GLS: variants seen among roughly 807,000 people sequenced by gnomAD.
GLS encodes the protein glutaminase kidney isoform, mitochondrial.
A neutral mutation model predicts 86.7 loss-of-function variants in GLS; 36 were observed. The observed-to-expected ratio is 0.42, with a 90% CI of 0.32 to 0.55. GLS has a LOEUF of 0.55. Ranked by LOEUF, GLS falls within the 20% of genes least tolerant of loss-of-function variation. The pLI, the probability that GLS is intolerant of heterozygous loss-of-function variation, is 0.17. For synonymous variants in GLS, 317 were observed against 305.9 expected (o/e 1.04, Z -0.38); for missense variants, 528 against 833.4 (o/e 0.63, Z 4.51).
In GLS at chr2:190,947,006, G is replaced by A. The variant is rs149376732; in HGVS notation, c.1651-6559G>A. ...TATCTATCAACATATTTTATAACCA[G>A]CCTGTCAGGGATTTTTAAAAACAAC... On this transcript the variant is annotated intron_variant, in intron 14 of 17. Transcript: ENST00000320717. The surrounding 1 kb of genome is among the most constrained non-coding windows in gnomAD (Gnocchi z 5.0). Among the ~76,000 whole-genome samples, 17 of 152,232 alleles carry A rather than the reference G, an allele frequency of 1.1e-4. No individual in the cohort carries two copies. Among genetic ancestry groups the A allele is most frequent in the African/African-American group, 4.1e-4 (17 of 41,544 alleles).
rs1691062796 is a variant in GLS at position 190,963,927 on chromosome 2, T to TAA, written c.*943_*944dup. The TAA allele has an allele frequency of 6.6e-6, 1 of 151,542 alleles. No homozygotes were observed. Among genetic ancestry groups the TAA allele is most frequent in the Admixed American group, 6.6e-5 (1 of 15,168 alleles). 9.4% of individuals were successfully genotyped at this position (151,542 alleles called of 1,614,324 possible). A position where few individuals can be genotyped will look rare whatever the true frequency, so the allele number is the denominator to read the frequency against. Reference sequence around the variant, plus strand: ...AGTTTTTTTTTTTTAGCTTCTAGGGTAAAGATAAATTCAGAAATGCTCTAA... The same window carrying TAA: ...AGTTTTTTTTTTTTAGCTTCTAGGGTAAAAAGATAAATTCAGAAATGCTCTAA... On this transcript the variant is annotated 3_prime_UTR_variant, in exon 18 of 18. Transcript: ENST00000320717.
rs1369688617 is a variant in GLS at position 190,953,709 on chromosome 2, G to A, written c.1712+83G>A. 1.1e-6 allele frequency: 1 copy of A among 948,626 alleles called. No homozygotes were observed. The highest frequency in any genetic ancestry group is 2.4e-5 in the East Asian group (1 of 41,132). The allele number at this position is 948,626 out of a possible 1,614,324, so 58.8% of individuals were successfully genotyped here. A position where few individuals can be genotyped will look rare whatever the true frequency, so the allele number is the denominator to read the frequency against. ...GGCGAGCAGCCATTTTAAGGTTAAA[G>A]TCTCACTTTTCTTTCCCTTTGATAA... is the stretch of plus-strand genomic sequence containing the variant. On this transcript the variant is annotated intron_variant, in intron 15 of 17. Coordinates refer to ENST00000320717, the MANE Select transcript of GLS (RefSeq NM_014905.5). This position sits in a 1 kb window ranked among gnomAD's most constrained non-coding sequence, Gnocchi z 4.0.
rs1029709527 is a variant in GLS, at chr2:190,965,459, T to C, written c.*2473T>C. ...TGAATCTAATCTTAAAACTACAAGT[T>C]GTAAGTATTCTGAAATTGGGAAACA... On this transcript the variant is annotated 3_prime_UTR_variant, in exon 18 of 18. Transcript: ENST00000320717. The surrounding 1 kb of genome is among the most constrained non-coding windows in gnomAD (Gnocchi z 5.0). The C allele has an allele frequency of 6.6e-6, 1 of 152,632 alleles. No individual in the cohort carries two copies. The highest frequency in any genetic ancestry group is 2.4e-5 in the African/African-American group (1 of 41,442). 9.5% of individuals were successfully genotyped at this position (152,632 alleles called of 1,614,324 possible).
chr2:190,940,841 C>T (rs1690406366), intron 14 of GLS, among the ~76,000 whole-genome samples: 1 of 151,484 alleles, frequency 6.6e-6, no homozygotes, highest in African/African-American at 2.4e-5. Flanking sequence ...AGATTAGATC[C>T]CTCTATATAA....
rs1691018480 is a variant in GLS, at chr2:190,962,097, C to A, written c.1854-733C>A. Among the ~76,000 whole-genome samples the A allele has an allele frequency of 6.6e-6, 1 of 151,986 alleles. No individual in the cohort carries two copies. The highest frequency in any genetic ancestry group is 6.5e-5 in the Admixed American group (1 of 15,276). On this transcript the variant is annotated intron_variant, in intron 17 of 17. Transcript: ENST00000320717. This position sits in a 1 kb window ranked among gnomAD's most constrained non-coding sequence, Gnocchi z 4.2. ...CTGTCTCCTCTTGCAAAAGACTTACCACTTCTGGCAAGTGATTAACCACTT... is the reference window on the plus strand; with the variant it reads ...CTGTCTCCTCTTGCAAAAGACTTACAACTTCTGGCAAGTGATTAACCACTT...
intron 11 of GLS, among the ~76,000 whole-genome samples, chr2:190,926,232 T>G (rs1196609586): frequency 1.3e-5 from 2 of 152,188 alleles, no homozygotes; most frequent in Non-Finnish European, 2.9e-5. Context: ...TAGGAAATGA[T>G]CATTGGAATT....
chr2:190,928,825 A>G (rs1689991954), intron 12 of GLS, among the ~76,000 whole-genome samples: 1 of 128,000 alleles, frequency 7.8e-6, no homozygotes, highest in South Asian at 2.4e-4. Context: ...CTGTCTCTAC[A>G]TTGCTGATTA....
chr2:190,923,956 A>C lies in GLS; in HGVS notation c.1170A>C (p.Ala390=), dbSNP rs781551989. 4 of 1,548,100 alleles carry C rather than the reference A, an allele frequency of 2.6e-6. No homozygotes were observed. In the East Asian group the frequency reaches 9.0e-5, roughly 35 times the overall value. Residue 390 remains alanine (A), a synonymous_variant, in exon 10 of 18, where the codon GCA becomes GCC. Coordinates refer to ENST00000320717, the MANE Select transcript of GLS (RefSeq NM_014905.5). ...GAGAAAGTGGAGATCGAAATTTTGC[A>C]ATAGGATATTACTTAAAAGAAAAGA... ...SERESGDRNF[A]IGYYLKEKKC... is the part of the protein sequence containing the mutation.
intron 14 of GLS, chr2:190,934,483 A>C (rs1048473006): frequency 2.0e-6 from 2 of 979,890 alleles, no homozygotes; most frequent in Non-Finnish European, 1.2e-6. Flanking sequence ...GTTCAGATGC[A>C]TATCCTAACT....
At chr2:190,915,562 T>C (rs1438075994) in intron 7 of GLS, among the ~76,000 whole-genome samples, 1 of 152,228 alleles carries the variant, frequency 6.6e-6, no homozygotes, top group East Asian at 1.9e-4. Context: ...ATACTTGGAA[T>C]TCTTTCCAAG....
rs1240723189 is a variant in GLS, at chr2:190,955,863, C to T, written c.1853+1045C>T. ...CTCATTGTGGTTTTGATTTGCATTT[C>T]TCTAATGACCAGTGATGATGATATT... On this transcript the variant is annotated intron_variant, in intron 17 of 17. Transcript: ENST00000320717. This position sits in a 1 kb window ranked among gnomAD's most constrained non-coding sequence, Gnocchi z 5.6. Among the ~76,000 whole-genome samples the T allele has an allele frequency of 6.6e-6, 1 of 152,212 alleles. No homozygotes were observed. Among genetic ancestry groups the T allele is most frequent in the African/African-American group, 2.4e-5 (1 of 41,464 alleles).
At chr2:190,894,659 G>C (rs934028382) in intron 1 of GLS, among the ~76,000 whole-genome samples, 1 of 152,124 alleles carries the variant, frequency 6.6e-6, no homozygotes, top group Non-Finnish European at 1.5e-5. Context: ...TCAAGAACTT[G>C]TGCACTTGAT....
intron 14 of GLS, among the ~76,000 whole-genome samples, chr2:190,950,120 G>T (rs1391002941): frequency 1.3e-5 from 2 of 151,954 alleles, no homozygotes; most frequent in Non-Finnish European, 2.9e-5. Context: ...GGGAGAGGGA[G>T]CCTCCTGACA....
intron 9 of GLS, among the ~76,000 whole-genome samples, chr2:190,923,563 C>G (rs1689812199): frequency 6.6e-6 from 1 of 152,250 alleles, no homozygotes; most frequent in Admixed American, 6.5e-5. Flanking sequence ...AAAATGGACT[C>G]TTATTGTACT....
Position 190,953,650 on chromosome 2 carries a change from A to C in GLS, c.1712+24A>C, listed in dbSNP as rs370573394. 11 of 1,498,678 alleles carry C rather than the reference A, an allele frequency of 7.3e-6. No homozygotes were observed. The highest frequency in any genetic ancestry group is 1.0e-5 in the Non-Finnish European group (11 of 1,075,390). The allele number at this position is 1,498,678 out of a possible 1,614,324, so 92.8% of individuals were successfully genotyped here. On this transcript the variant is annotated intron_variant, in intron 15 of 17. Coordinates refer to ENST00000320717, the MANE Select transcript of GLS (RefSeq NM_014905.5). The surrounding 1 kb of genome is among the most constrained non-coding windows in gnomAD (Gnocchi z 4.0). ...AGGTATGTTTACAGGATGGATTAGC[A>C]TGCACTTTACAGATATTTATGAAGT...
chr2:190,945,101 T>C (rs528886368), intron 14 of GLS, among the ~76,000 whole-genome samples: 1 of 152,258 alleles, frequency 6.6e-6, no homozygotes, highest in Non-Finnish European at 1.5e-5. Context: ...CCTGGCATCT[T>C]CCAGACTGGG....
intron 12 of GLS, among the ~76,000 whole-genome samples, chr2:190,928,438 G>T (rs987493553): frequency 6.6e-6 from 1 of 150,840 alleles, no homozygotes; most frequent in Non-Finnish European, 1.5e-5. Flanking sequence ...GAGTTCCAGC[G>T]ATTCTCCTGC....
chr2:190,881,643 C>A, intron 1 of GLS, 173 bp downstream of exon 1: 2 of 578,782 alleles, frequency 3.5e-6, no homozygotes, highest in Admixed American at 8.3e-5. Flanking sequence ...GCCCCGCCCG[C>A]GCCTTCCCCG....
Position 190,949,683 on chromosome 2 carries a change from C to T in GLS, c.1651-3882C>T, listed in dbSNP as rs1478723257. Among the ~76,000 whole-genome samples the T allele has an allele frequency of 2.0e-5, 3 of 151,952 alleles. No individual in the cohort carries two copies. Among genetic ancestry groups the T allele is most frequent in the Non-Finnish European group, 2.9e-5 (2 of 67,978 alleles). ...CTCCAGCCTGGGTGACAGAGCGAGACCTTGTCTCAAAAAAAATAAAATGCA... is the reference window on the plus strand; with the variant it reads ...CTCCAGCCTGGGTGACAGAGCGAGATCTTGTCTCAAAAAAAATAAAATGCA... On this transcript the variant is annotated intron_variant, in intron 14 of 17. Transcript: ENST00000320717. This position sits in a 1 kb window ranked among gnomAD's most constrained non-coding sequence, Gnocchi z 4.0.
Sources: gnomAD v4.1 joint callset for allele counts (sites outside exome capture counted in the v4.1 genomes callset) on GRCh38, gnomAD v4.1.1 for gene constraint, Gnocchi (gnomAD v3.1) non-coding constraint, MANE v1.5 for transcripts, NCBI Gene and HGNC (gene_info 2026-07-23, HGNC 2026-07-21) for gene names.